The following ADCY10 variants were observed in gnomAD, a reference collection of about 807,000 sequenced individuals.
The protein encoded by ADCY10 is adenylate cyclase type 10.
ADCY10 carries 156 observed loss-of-function variants against 183.3 expected under a neutral mutation model. The ratio of observed to expected loss-of-function variants is 0.85; its 90% confidence interval spans 0.75 to 0.97. ADCY10 has a LOEUF of 0.97. ADCY10 is among the 50% of genes least tolerant of loss of function. The pLI, the probability that ADCY10 is intolerant of heterozygous loss-of-function variation, is 0.00. For missense variants in ADCY10, 1,745 were observed against 1,934.3 expected, an observed-to-expected ratio of 0.90 and a Z score of 1.84; for synonymous variants, 645 against 670.0, an observed-to-expected ratio of 0.96 and a Z score of 0.58.
intron 18 of ADCY10, among the ~76,000 whole-genome samples, chr1:167,853,964 G>C (rs375888487): frequency 6.7e-6 from 1 of 148,424 alleles, no homozygotes; most frequent in Non-Finnish European, 1.5e-5. Flanking sequence ...TCAGCCTCCC[G>C]AGTAGCTGGG....
chr1:167,875,102 G>C (rs1212996453), intron 13 of ADCY10, 29 bp downstream of exon 13: 1 of 1,597,680 alleles, frequency 6.3e-7, no homozygotes, highest in Middle Eastern at 1.7e-4. Flanking sequence ...GTTCAATAAA[G>C]AAGTTTAAAA....
intron 8 of ADCY10, among the ~76,000 whole-genome samples, chr1:167,888,395 C>T (rs965825715): frequency 2.0e-5 from 3 of 152,026 alleles, no homozygotes; most frequent in Non-Finnish European, 4.4e-5. Flanking sequence ...AATCTATAAG[C>T]ATGGAATATC....
intron 9 of ADCY10, among the ~76,000 whole-genome samples, chr1:167,882,017 C>T (rs1428533731): frequency 1.3e-5 from 2 of 152,196 alleles, no homozygotes; most frequent in East Asian, 3.9e-4. Context: ...CCTAGCTTTT[C>T]GTCTTCTATG....
In ADCY10 at chr1:167,817,198, C is replaced by T. The variant is rs145584308; in HGVS notation, c.4482+874G>A. On this transcript the variant is annotated intron_variant, in intron 31 of 32. Transcript: ENST00000367851. The stretch of plus-strand genomic sequence containing the variant: ...GGCTAATGTGGTGAAATCCCCATCT[C>T]TACTAAAAATACAAAAATTAGCCAG... 6.1e-3 allele frequency among the ~76,000 whole-genome samples: 927 copies of T among 152,242 alleles called. 7 individuals are homozygous for T. Among genetic ancestry groups the T allele is most frequent in the Middle Eastern group, 0.017 (5 of 294 alleles).
At position 167,880,121 on chromosome 1, in the gene ADCY10, A is replaced by G; in HGVS notation, c.1210T>C (p.Tyr404His). 1 of 1,612,070 alleles carries G rather than the reference A, an allele frequency of 6.2e-7. No homozygotes were observed. Among genetic ancestry groups the G allele is most frequent in the Middle Eastern group, 1.7e-4 (1 of 5,906 alleles). Residue 404 changes from tyrosine to histidine, a missense_variant, in exon 11 of 33, where the codon TAC becomes CAC. Tyr to His is a moderately conservative substitution (Grantham distance 83). Transcript: ENST00000367851. ...ATGAGCTGACCCAGCACACCTGTGT[A>G]CTCGTGTCTCACAGTGTGTCCAACG... ...GIVGHTVRHEYTVIGQKVNLA... is the reference protein window; with the variant it reads ...GIVGHTVRHEHTVIGQKVNLA...
chr1:167,823,575 A>G (rs1663065718), intron 28 of ADCY10, among the ~76,000 whole-genome samples: 1 of 152,112 alleles, frequency 6.6e-6, no homozygotes, highest in African/African-American at 2.4e-5. Flanking sequence ...ATTCACCTCT[A>G]TAAAATTCAT....
chr1:167,864,982 T>C (rs1452794751), intron 14 of ADCY10, among the ~76,000 whole-genome samples: 6 of 144,746 alleles, frequency 4.1e-5, no homozygotes, highest in African/African-American at 1.7e-4. Context: ...ATAAATTAAC[T>C]GTTGTTTAAA....
chr1:167,878,002 C>T (rs1667596550), intron 12 of ADCY10, among the ~76,000 whole-genome samples: 1 of 152,162 alleles, frequency 6.6e-6, no homozygotes, highest in Non-Finnish European at 1.5e-5. Context: ...CAAAGTGACA[C>T]CCATAAATCT....
At chr1:167,820,301 GTC>G in intron 30 of ADCY10, 1 of 1,258,032 alleles carries the variant, frequency 7.9e-7, no homozygotes. Context: ...GCCTAGCCAA[GTC>G]TCTGGGAAGG....
intron 5 of ADCY10, among the ~76,000 whole-genome samples, chr1:167,900,945 A>T (rs1041307159): frequency 6.6e-6 from 1 of 152,210 alleles, no homozygotes; most frequent in Admixed American, 6.5e-5. Context: ...GAGAATTCTA[A>T]GTTTTGCAAA....
In ADCY10 at chr1:167,846,055, G is replaced by A; in HGVS notation, c.2646C>T (p.Ala882=). The change falls in exon 20 of 33, where the codon GCC becomes GCT. Residue 882 remains alanine, a synonymous_variant. Coordinates refer to ENST00000367851, the MANE Select transcript of ADCY10 (RefSeq NM_018417.6). ...CAAATGAGGGATCATTCTGTTTCAG[G>A]GCCTTTTGAAGCTCCTTGCCATTCC... ...CFRNGKELQK[A]LKQNDPSFEV... is the part of the protein sequence containing the mutation. 1 of 1,614,130 alleles carries A rather than the reference G, an allele frequency of 6.2e-7. No individual in the cohort carries two copies.
chr1:167,831,637 T>A (rs754556098), intron 25 of ADCY10, among the ~76,000 whole-genome samples: 8 of 152,208 alleles, frequency 5.3e-5, no homozygotes, highest in Non-Finnish European at 1.0e-4. Context: ...TTTTTCTTCT[T>A]CAACACTTTT....
At chr1:167,854,921 A>G (rs770018769) in intron 17 of ADCY10, among the ~76,000 whole-genome samples, 4 of 152,220 alleles carry the variant, frequency 2.6e-5, no homozygotes, top group Admixed American at 6.5e-5. Context: ...TGTTCAAGAC[A>G]TCTTCCTTCC....
Position 167,847,404 on chromosome 1 carries a change from ATCTT to A in ADCY10, c.2437+953_2437+956del, listed in dbSNP as rs147098890. On this transcript the variant is annotated intron_variant, in intron 19 of 32. Transcript: ENST00000367851. ...TTTTTCTTTAAAAGAATAATAATAC[ATCTT>A]TCTTTCTTTCTTTCTTTCTTTTTTG... Among the ~76,000 whole-genome samples, 153 of 150,668 alleles carry A rather than the reference ATCTT, an allele frequency of 1.0e-3. No individual in the cohort carries two copies. In the East Asian group the frequency reaches 0.012, roughly 12 times the overall value.
At chr1:167,830,984 C>G (rs1246753813) in intron 25 of ADCY10, among the ~76,000 whole-genome samples, 3 of 152,202 alleles carry the variant, frequency 2.0e-5, no homozygotes, top group Non-Finnish European at 4.4e-5. Context: ...GACCAATGTA[C>G]TTCTTACATA....
In ADCY10 at chr1:167,893,881, T is replaced by C; in HGVS notation, c.800A>G (p.Lys267Arg). Residue 267 changes from lysine (K) to arginine (R), a missense_variant, in exon 8 of 33, where the codon AAG becomes AGG. Transcript: ENST00000367851. The stretch of plus-strand genomic sequence containing the variant: ...CTTCAAAATGCTTTCCATCACATAC[T>C]TTTGTAGGGACATCTCCAGTTCAGG... The part of the protein sequence containing the change: ...PDPELEMSLQ[K>R]YVMESILKQI... 1 of 1,613,428 alleles carries C rather than the reference T, an allele frequency of 6.2e-7. No individual in the cohort carries two copies. Among genetic ancestry groups the C allele is most frequent in the African/African-American group, 1.3e-5 (1 of 74,962 alleles).
chr1:167,857,127 C>T (rs1017633083), intron 16 of ADCY10, among the ~76,000 whole-genome samples: 10 of 152,182 alleles, frequency 6.6e-5, no homozygotes, highest in Non-Finnish European at 1.2e-4. Flanking sequence ...TACATTTTAG[C>T]GTCAACCACT....
At chr1:167,888,234 G>C (rs1452006730) in intron 8 of ADCY10, among the ~76,000 whole-genome samples, 1 of 152,000 alleles carries the variant, frequency 6.6e-6, no homozygotes, top group Non-Finnish European at 1.5e-5. Context: ...TATTCTTTTT[G>C]CTTCAGATAG....
At chr1:167,889,026 A>C (rs1244829230) in intron 8 of ADCY10, among the ~76,000 whole-genome samples, 2 of 152,178 alleles carry the variant, frequency 1.3e-5, no homozygotes, top group Non-Finnish European at 2.9e-5. Context: ...GATCATCTGA[A>C]AACAAGGATA....
Sources: allele counts gnomAD v4.1 joint callset (sites outside exome capture counted in the v4.1 genomes callset), GRCh38; gene constraint gnomAD v4.1.1; transcripts MANE v1.5; gene names NCBI Gene and HGNC (gene_info 2026-07-23, HGNC 2026-07-21).